Variants in FAM161A observed in about 807,000 individuals in gnomAD.
FAM161A encodes FAM161 centrosomal protein A.
FAM161A carries 57 observed loss-of-function variants against 70.9 expected under a neutral mutation model. The observed-to-expected ratio is 0.80, with a 90% CI of 0.65 to 1.00. The LOEUF (loss-of-function observed/expected upper bound fraction) is 1.00, where lower values mean the gene tolerates loss of function less well. FAM161A is among the 50% of genes least tolerant of loss of function. The probability of loss-of-function intolerance (pLI) is 0.00; values close to 1 mark genes in which losing one functional copy is unlikely to be tolerated. For missense variants in FAM161A, 880 were observed against 836.0 expected (o/e 1.05, Z -0.65); for synonymous variants, 299 against 295.7 (o/e 1.01, Z -0.12).
At chr2:61,831,616 C>G (rs780708760) in intron 5 of FAM161A, among the ~76,000 whole-genome samples, 64 of 152,144 alleles carry the variant, frequency 4.2e-4, no homozygotes, top group Admixed American at 7.9e-4. Context: ...TGAAGACAGT[C>G]AGATCTGGGT....
intron 1 of FAM161A, among the ~76,000 whole-genome samples, chr2:61,847,938 A>C (rs980237015): frequency 2.1e-4 from 32 of 152,320 alleles, no homozygotes; most frequent in Admixed American, 8.5e-4. Flanking sequence ...GGAAGAGGGC[A>C]GTTACTCCCT....
chr2:61,811,367 T>A, the FAM161A span, among the ~76,000 whole-genome samples: 2 of 151,848 alleles, frequency 1.3e-5, no homozygotes, highest in East Asian at 1.9e-4. Context: ...CTGGCTAATT[T>A]TTTTATTTTA....
the FAM161A span, among the ~76,000 whole-genome samples, chr2:61,818,959 CA>C: frequency 6.6e-6 from 1 of 152,146 alleles, no homozygotes; most frequent in Non-Finnish European, 1.5e-5. Flanking sequence ...AATAATAATG[CA>C]ACAAAGTGAC....
chr2:61,833,017 T>C (rs1415777006), intron 5 of FAM161A, among the ~76,000 whole-genome samples: 1 of 151,770 alleles, frequency 6.6e-6, no homozygotes, highest in Non-Finnish European at 1.5e-5. Context: ...TTTTGAGAGC[T>C]AACAGAAAAG....
In FAM161A at chr2:61,825,329, A is replaced by G. The variant is rs1190188292; in HGVS notation, c.*1126T>C. On this transcript the variant is annotated 3_prime_UTR_variant, in exon 7 of 7. Transcript: ENST00000404929. ...TGAACACAACTGGGTCTAGCAGTGA[A>G]GAGTTAAATCTGAATTACTTTGGAG... 6.6e-6 allele frequency: 3 copies of G among 454,148 alleles called. No individual in the cohort carries two copies. Among genetic ancestry groups the G allele is most frequent in the South Asian group, 3.1e-5 (2 of 64,484 alleles). 28.1% of individuals were successfully genotyped at this position (454,148 alleles called of 1,614,324 possible).
the FAM161A span, among the ~76,000 whole-genome samples, chr2:61,816,650 G>A: frequency 6.6e-6 from 1 of 151,850 alleles, no homozygotes; most frequent in Non-Finnish European, 1.5e-5. Flanking sequence ...TGTAGAGACG[G>A]CGGGGCGGGG....
At chr2:61,826,794 T>C (rs1029588921) in intron 6 of FAM161A, among the ~76,000 whole-genome samples, 195 bp from the exon 7 acceptor site, 6 of 152,230 alleles carry the variant, frequency 3.9e-5, no homozygotes, top group African/African-American at 1.4e-4. Context: ...TCCTGAAAAC[T>C]AATTTATTTC....
chr2:61,836,543 T>G (rs528289003), intron 4 of FAM161A: 5 of 156,506 alleles, frequency 3.2e-5, no homozygotes, highest in Non-Finnish European at 5.6e-5. Flanking sequence ...AAGACTTTGC[T>G]CTTATTTTTT....
the FAM161A span, among the ~76,000 whole-genome samples, chr2:61,801,613 C>A: frequency 6.7e-6 from 1 of 149,668 alleles, no homozygotes; most frequent in African/African-American, 2.5e-5. Flanking sequence ...GTCACCCAGG[C>A]TGGAGTGCAA....
chr2:61,812,641 G>C, the FAM161A span, among the ~76,000 whole-genome samples: 1 of 152,172 alleles, frequency 6.6e-6, no homozygotes, highest in East Asian at 1.9e-4. Flanking sequence ...AGAATCACTT[G>C]AACCTGGGAG....
chr2:61,841,265 C>T (rs191135379), intron 2 of FAM161A, among the ~76,000 whole-genome samples: 2 of 152,226 alleles, frequency 1.3e-5, no homozygotes, highest in East Asian at 1.9e-4. Flanking sequence ...TCGAGACTGG[C>T]GCCTATCTTT....
intron 1 of FAM161A, among the ~76,000 whole-genome samples, chr2:61,845,405 G>C (rs573052480): frequency 6.6e-6 from 1 of 152,186 alleles, no homozygotes; most frequent in Non-Finnish European, 1.5e-5. Context: ...TCAAAAGGGG[G>C]CTGAAACCAG....
intron 1 of FAM161A, among the ~76,000 whole-genome samples, chr2:61,848,211 A>G (rs1484996800): frequency 6.6e-6 from 1 of 152,232 alleles, no homozygotes; most frequent in African/African-American, 2.4e-5. Flanking sequence ...AACCATATAG[A>G]AGAATGAGTA....
chr2:61,837,674 C>A (rs2421510), intron 4 of FAM161A, among the ~76,000 whole-genome samples: 55,765 of 151,938 alleles, frequency 0.37, 10,919 homozygotes, highest in East Asian at 0.68. Context: ...TAAGCTGAGG[C>A]AGGAGAATCG....
chr2:61,830,413 G>A (rs2031022), intron 5 of FAM161A, among the ~76,000 whole-genome samples: 27,755 of 151,850 alleles, frequency 0.18, 2,690 homozygotes, highest in African/African-American at 0.22. Flanking sequence ...AGGCACGGTG[G>A]CTCACTCCTG....
Position 61,839,703 on chromosome 2 carries a change from AG to A in FAM161A, c.1300del (p.Leu434PhefsTer18), listed in dbSNP as rs1342829770. On this transcript the variant is annotated frameshift_variant, in exon 3 of 7. Coordinates refer to ENST00000404929, the MANE Select transcript of FAM161A (RefSeq NM_001201543.2). LOFTEE classifies it high-confidence loss of function. ...GAGGTGTTTCTGGTATCTCTCAGGA[AG>A]GTCCTCAAAATCAGGAGTTGGGCAC... The part of the protein sequence containing the change: ...VRCPTPDFED[L>X]PERYQKHLSE... The A allele has an allele frequency of 6.2e-7, 1 of 1,614,070 alleles. No individual in the cohort carries two copies. The highest frequency in any genetic ancestry group is 1.3e-5 in the African/African-American group (1 of 74,930).
In FAM161A at chr2:61,839,699, A is replaced by G; in HGVS notation, c.1305T>C (p.Pro435=). The change falls in exon 3 of 7, where the codon CCT becomes CCC. Residue 435 remains proline, a synonymous_variant. Transcript: ENST00000404929. ...RCPTPDFEDL[P]ERYQKHLSEH... is the part of the protein sequence containing the mutation. ...CTGAGAGGTGTTTCTGGTATCTCTCAGGAAGGTCCTCAAAATCAGGAGTTG... is the reference window on the plus strand; with the variant it reads ...CTGAGAGGTGTTTCTGGTATCTCTCGGGAAGGTCCTCAAAATCAGGAGTTG... 1 of 1,614,228 alleles carries G rather than the reference A, an allele frequency of 6.2e-7. No homozygotes were observed. The highest frequency in any genetic ancestry group is 1.1e-5 in the South Asian group (1 of 91,086).
At chr2:61,806,279 T>A in the FAM161A span, among the ~76,000 whole-genome samples, 8 of 152,170 alleles carry the variant, frequency 5.3e-5, no homozygotes, top group Non-Finnish European at 1.0e-4. Context: ...ACCATTCTTT[T>A]GAGGGCGCCA....
At chr2:61,841,300 T>C (rs1469382060) in intron 2 of FAM161A, among the ~76,000 whole-genome samples, 2 of 152,306 alleles carry the variant, frequency 1.3e-5, no homozygotes, top group East Asian at 3.9e-4. Flanking sequence ...CACCACTGGC[T>C]ACCCCAGTCT....
Sources: allele counts gnomAD v4.1 joint callset (sites outside exome capture counted in the v4.1 genomes callset), GRCh38; gene constraint gnomAD v4.1.1; transcripts MANE v1.5; gene names NCBI Gene and HGNC (gene_info 2026-07-23, HGNC 2026-07-21).